The following GOLGA5 variants were observed in gnomAD, a reference collection of about 807,000 sequenced individuals.
GOLGA5 encodes golgin A5, also known as golgin subfamily A member 5.
GOLGA5 carries 50 observed loss-of-function variants against 93.5 expected under a neutral mutation model. The observed-to-expected ratio is 0.53, with a 90% CI of 0.43 to 0.68. The LOEUF is 0.68. Ranked by LOEUF, GOLGA5 falls within the 30% of genes least tolerant of loss-of-function variation. The pLI is 0.00. For synonymous variants in GOLGA5, 312 were observed against 304.5 expected, an observed-to-expected ratio of 1.02 and a Z score of -0.26; for missense variants, 760 against 856.4, an observed-to-expected ratio of 0.89 and a Z score of 1.40.
chr14:92,795,658 T>C (rs536822684), intron 1 of GOLGA5, among the ~76,000 whole-genome samples: 1 of 152,318 alleles, frequency 6.6e-6, no homozygotes, highest in South Asian at 2.1e-4. Flanking sequence ...CTCTGGGAAT[T>C]CATTGGTGAG....
chr14:92,837,348 T>TTC, intron 11 of GOLGA5, 38 bp from the exon 12 acceptor site: 1 of 1,018,352 alleles, frequency 9.8e-7, no homozygotes, highest in Non-Finnish European at 1.5e-6. Context: ...ACTGTGACTC[T>TTC]TCTCTCTCCT....
Position 92,833,145 on chromosome 14 carries a change from T to C in GOLGA5, c.1743T>C (p.Asn581=), listed in dbSNP as rs779875814. 13 of 1,605,114 alleles carry C rather than the reference T, an allele frequency of 8.1e-6. No homozygotes were observed. The East Asian group carries it at 2.0e-4, about 25-fold the overall frequency. Residue 581 remains asparagine, a synonymous_variant, in exon 10 of 13, where the codon AAT becomes AAC. Transcript: ENST00000163416. The part of the protein sequence containing the change: ...RNQLTNKTLS[N]SSQSELENRL... ...AGCTTACCAATAAAACTTTAAGCAA[T>C]AGCAGTCAGTCTGAGTTAGAAAATC...
intron 8 of GOLGA5, 22 bp from the exon 9 acceptor site, chr14:92,824,524 T>G (rs376873653): frequency 1.0e-5 from 13 of 1,303,020 alleles, no homozygotes; most frequent in Non-Finnish European, 1.4e-5. Flanking sequence ...CGCTTCTGTT[T>G]TGTTTGTGCC....
At chr14:92,832,865 CT>C (rs1282584901) in intron 9 of GOLGA5, among the ~76,000 whole-genome samples, 1 of 152,162 alleles carries the variant, frequency 6.6e-6, no homozygotes. Flanking sequence ...CAAAATTATA[CT>C]TTTATATATA....
intron 9 of GOLGA5, among the ~76,000 whole-genome samples, chr14:92,827,943 G>C (rs1237522170): frequency 1.3e-5 from 2 of 152,206 alleles, no homozygotes; most frequent in Non-Finnish European, 2.9e-5. Flanking sequence ...AGGTGAGGAA[G>C]CTGCAGAAGA....
intron 5 of GOLGA5, 143 bp from the exon 6 acceptor site, chr14:92,811,408 C>A (rs1168830596): frequency 1.6e-6 from 1 of 625,450 alleles, no homozygotes; most frequent in Admixed American, 3.0e-5. Context: ...ACTTTAGCTC[C>A]TAACAAATTA....
At chr14:92,827,256 G>A (rs1278649932) in intron 9 of GOLGA5, among the ~76,000 whole-genome samples, 2 of 152,046 alleles carry the variant, frequency 1.3e-5, no homozygotes, top group Non-Finnish European at 1.5e-5. Flanking sequence ...TGGCAACCCT[G>A]CATCAAGCAA....
intron 6 of GOLGA5, among the ~76,000 whole-genome samples, chr14:92,813,131 TTTTTAATGCTACTTCCATGAAGTATCATA>T (rs1885136169): frequency 6.6e-6 from 1 of 152,224 alleles, no homozygotes; most frequent in South Asian, 2.1e-4. Flanking sequence ...TGAATACCTT[TTTTTAATGCTACTTCCATGAAGTATCATA>T]TTGATCTCCT....
chr14:92,837,044 C>T (rs1885656651), intron 11 of GOLGA5, among the ~76,000 whole-genome samples: 2 of 151,416 alleles, frequency 1.3e-5, no homozygotes, highest in Non-Finnish European at 2.9e-5. Flanking sequence ...GCACTCCAGC[C>T]TGGGCGACAG....
At chr14:92,809,957 TCAA>T (rs758332785) in intron 4 of GOLGA5, among the ~76,000 whole-genome samples, 67 of 152,310 alleles carry the variant, frequency 4.4e-4, no homozygotes, top group Non-Finnish European at 8.2e-4. Context: ...AAACTCCATC[TCAA>T]CAACAACAAC....
chr14:92,838,024 C>T (rs1885682092), intron 12 of GOLGA5, among the ~76,000 whole-genome samples: 2 of 152,114 alleles, frequency 1.3e-5, no homozygotes, highest in Non-Finnish European at 2.9e-5. Context: ...TTTTAAAGCC[C>T]TTCTAATGAT....
chr14:92,832,004 T>C (rs953205544), intron 9 of GOLGA5, among the ~76,000 whole-genome samples: 10 of 152,204 alleles, frequency 6.6e-5, no homozygotes, highest in African/African-American at 2.2e-4. Context: ...TTTTCAATAC[T>C]GTATTGATGT....
At chr14:92,818,553 C>A (rs962047695) in intron 7 of GOLGA5, among the ~76,000 whole-genome samples, 1 of 152,222 alleles carries the variant, frequency 6.6e-6, no homozygotes, top group African/African-American at 2.4e-5. Context: ...AATCTACCTT[C>A]TGCTAACCTG....
Position 92,835,564 on chromosome 14 carries a change from C to T in GOLGA5, c.1951C>T (p.Arg651Cys), listed in dbSNP as rs927673467. 1.2e-6 allele frequency: 2 copies of T among 1,604,920 alleles called. No homozygotes were observed. The highest frequency in any genetic ancestry group is 2.2e-5 in the East Asian group (1 of 44,794). Reference sequence around the variant, plus strand: ...TTATTTTCTTATTTAAACAGGCACTCGTCTGCGAAATGTTCCTGTTCTTTT... The same window carrying T: ...TTATTTTCTTATTTAAACAGGCACTTGTCTGCGAAATGTTCCTGTTCTTTT... ...MSGIDNGEGT[R>C]LRNVPVLFND... Residue 651 changes from arginine (R) to cysteine (C), a missense_variant, in exon 11 of 13, where the codon CGT becomes TGT. Coordinates refer to ENST00000163416, the MANE Select transcript of GOLGA5 (RefSeq NM_005113.4).
chr14:92,810,140 T>G (rs1595594429), intron 4 of GOLGA5, 114 bp from the exon 5 acceptor site: 1 of 687,244 alleles, frequency 1.5e-6, no homozygotes, highest in East Asian at 2.9e-5. Flanking sequence ...TAAGAATATT[T>G]CAGTCAAATT....
intron 5 of GOLGA5, among the ~76,000 whole-genome samples, chr14:92,811,261 A>C (rs970718939): frequency 1.2e-4 from 18 of 152,318 alleles, no homozygotes; most frequent in Non-Finnish European, 2.2e-4. Context: ...TTCTTAAAAA[A>C]CAGATTCCCA....
chr14:92,794,741 C>T lies in GOLGA5; in HGVS notation c.-31+285C>T, dbSNP rs567307088. 1.6e-3 allele frequency among the ~76,000 whole-genome samples: 239 copies of T among 152,220 alleles called. 1 individual carries two copies. Among genetic ancestry groups the T allele is most frequent in the African/African-American group, 5.5e-3 (227 of 41,536 alleles). On this transcript the variant is annotated intron_variant, in intron 1 of 12. Transcript: ENST00000163416. ...GGGGAGCAGAGTGGGGGTCTCTGCT[C>T]GCTTACCTGAGATTCCCCAAACTGA...
chr14:92,818,716 T>C (rs1167243793), intron 7 of GOLGA5, among the ~76,000 whole-genome samples: 2 of 152,212 alleles, frequency 1.3e-5, no homozygotes, highest in Admixed American at 1.3e-4. Flanking sequence ...AGGTTTGTGG[T>C]GATGAGTATG....
chr14:92,795,684 CT>C (rs1884710401), intron 1 of GOLGA5, among the ~76,000 whole-genome samples: 1 of 151,840 alleles, frequency 6.6e-6, no homozygotes, highest in Non-Finnish European at 1.5e-5. Context: ...CAGACATAAT[CT>C]TTATCCAGCC....
Sources: gnomAD v4.1 joint callset for allele counts (sites outside exome capture counted in the v4.1 genomes callset) on GRCh38, gnomAD v4.1.1 for gene constraint, MANE v1.5 for transcripts, NCBI Gene and HGNC (gene_info 2026-07-23, HGNC 2026-07-21) for gene names.